FOXP1: variants seen among roughly 807,000 people sequenced by gnomAD.
FOXP1 encodes the protein forkhead box protein P1.
FOXP1 carries 15 observed loss-of-function variants against 98.2 expected under a neutral mutation model. That is an observed-to-expected ratio of 0.15 (90% CI 0.10 to 0.24). The LOEUF (loss-of-function observed/expected upper bound fraction) is 0.24, where lower values mean the gene tolerates loss of function less well. Among genes scored for constraint, FOXP1 ranks in the 10% least tolerant of loss-of-function variants. The pLI, the probability that FOXP1 is intolerant of heterozygous loss-of-function variation, is 1.00. For synonymous variants in FOXP1, 371 were observed against 314.5 expected (o/e 1.18, Z -1.90); for missense variants, 633 against 848.5 (o/e 0.75, Z 3.15).
At chr3:71,567,135 TC>T (rs1367450213) in intron 2 of FOXP1, among the ~76,000 whole-genome samples, 1 of 151,942 alleles carries the variant, frequency 6.6e-6, no homozygotes, top group African/African-American at 2.4e-5. Flanking sequence ...TTTTTAAACT[TC>T]CCCATTTCCA....
chr3:71,327,725 G>C, intron 4 of FOXP1, among the ~76,000 whole-genome samples: 1 of 152,090 alleles, frequency 6.6e-6, no homozygotes, highest in East Asian at 1.9e-4. Context: ...ATGACCTGCT[G>C]TAAAGGGTAG....
chr3:71,487,180 T>G (rs1399601773), intron 3 of FOXP1, among the ~76,000 whole-genome samples: 3 of 151,920 alleles, frequency 2.0e-5, no homozygotes, highest in Admixed American at 1.3e-4. Context: ...ACTACAAAAC[T>G]ATAATATTTC....
chr3:71,047,780 C>G (rs1271419214), intron 9 of FOXP1, among the ~76,000 whole-genome samples: 2 of 152,198 alleles, frequency 1.3e-5, no homozygotes, highest in African/African-American at 4.8e-5. Context: ...CTCAGAAACT[C>G]CCAGGTCTGG....
intron 7 of FOXP1, among the ~76,000 whole-genome samples, chr3:71,088,666 A>G (rs1364574186): frequency 2.0e-5 from 3 of 152,218 alleles, no homozygotes; most frequent in Non-Finnish European, 4.4e-5. Context: ...AATGATGTCA[A>G]AGACTTCTGA....
chr3:71,258,077 G>A (rs2068787467), intron 5 of FOXP1, among the ~76,000 whole-genome samples: 1 of 152,070 alleles, frequency 6.6e-6, no homozygotes, highest in Non-Finnish European at 1.5e-5. Flanking sequence ...GTATGCTCTG[G>A]GCACACAAAA....
intron 6 of FOXP1, among the ~76,000 whole-genome samples, chr3:71,132,945 C>T (rs1248383842): frequency 6.7e-6 from 1 of 148,328 alleles, no homozygotes; most frequent in African/African-American, 2.5e-5. Context: ...TGTACTAGTT[C>T]AATCTGTGAA....
At chr3:71,187,374 T>C (rs531560983) in intron 6 of FOXP1, among the ~76,000 whole-genome samples, 1 of 152,234 alleles carries the variant, frequency 6.6e-6, no homozygotes, top group Admixed American at 6.5e-5. Flanking sequence ...TCACCTGAGG[T>C]CAGGAGTTTG....
chr3:71,483,002 A>AT (rs897095333), intron 3 of FOXP1, among the ~76,000 whole-genome samples: 1 of 151,228 alleles, frequency 6.6e-6, no homozygotes, highest in Non-Finnish European at 1.5e-5. Context: ...CATCCGGCTA[A>AT]TTTTTTTTCT....
At chr3:71,171,376 G>A (rs144383021) in intron 6 of FOXP1, among the ~76,000 whole-genome samples, 7 of 152,202 alleles carry the variant, frequency 4.6e-5, no homozygotes, top group South Asian at 2.1e-4. Context: ...ATCATTGTTC[G>A]CGCTGCACAT....
chr3:71,577,492 C>G (rs549940516), intron 2 of FOXP1, among the ~76,000 whole-genome samples: 1 of 151,970 alleles, frequency 6.6e-6, no homozygotes, highest in Admixed American at 6.5e-5. Flanking sequence ...CCAAATTTCG[C>G]CAGGTTTGCC....
chr3:71,208,536 T>TTGTGTGTGTG (rs1553780525), intron 5 of FOXP1, among the ~76,000 whole-genome samples: 1,514 of 149,428 alleles, frequency 0.01, 9 homozygotes, highest in Middle Eastern at 0.021. Context: ...GCATTTAAGT[T>TTGTGTGTGTG]TGTGTGTGTG....
chr3:71,145,846 T>A (rs1302001798), intron 6 of FOXP1, among the ~76,000 whole-genome samples: 2 of 152,228 alleles, frequency 1.3e-5, no homozygotes, highest in African/African-American at 4.8e-5. Context: ...GTATGTTTGT[T>A]TTGTATTATA....
intron 3 of FOXP1, among the ~76,000 whole-genome samples, chr3:71,445,786 C>G (rs2086359622): frequency 6.6e-6 from 1 of 151,024 alleles, no homozygotes; most frequent in Admixed American, 6.6e-5. Flanking sequence ...CTCCTGGGTT[C>G]AAGTGATTCT....
intron 3 of FOXP1, among the ~76,000 whole-genome samples, chr3:71,475,677 T>A (rs147558120): frequency 6.6e-6 from 1 of 152,000 alleles, no homozygotes; most frequent in African/African-American, 2.4e-5. Flanking sequence ...ACTCCATCTC[T>A]ACTAATAATA....
rs146026433 is a variant in FOXP1, at chr3:71,298,451, C to T, written c.-12+1369G>A. On this transcript the variant is annotated intron_variant, in intron 5 of 20. Coordinates refer to ENST00000649528, the MANE Select transcript of FOXP1 (RefSeq NM_001349338.3). Reference sequence around the variant, plus strand: ...CTGCACTCCAGCCTGGGCAACAGAGCGAAACTCCGTCTCAAAAAGAAAAAA... The same window carrying T: ...CTGCACTCCAGCCTGGGCAACAGAGTGAAACTCCGTCTCAAAAAGAAAAAA... Among the ~76,000 whole-genome samples the T allele has an allele frequency of 9.9e-3, 1,502 of 151,044 alleles. 31 individuals are homozygous for T. Among genetic ancestry groups the T allele is most frequent in the African/African-American group, 0.034 (1,405 of 41,058 alleles).
intron 7 of FOXP1, among the ~76,000 whole-genome samples, chr3:71,074,879 G>C (rs1309097581): frequency 2.0e-5 from 3 of 152,156 alleles, no homozygotes; most frequent in Non-Finnish European, 4.4e-5. Context: ...CATTCTTTTT[G>C]AGTTACTTCT....
chr3:71,074,591 C>T (rs1302065219), intron 7 of FOXP1, among the ~76,000 whole-genome samples: 1 of 152,060 alleles, frequency 6.6e-6, no homozygotes, highest in African/African-American at 2.4e-5. Flanking sequence ...TGAATGACTC[C>T]AAAACAAGGC....
intron 3 of FOXP1, among the ~76,000 whole-genome samples, chr3:71,460,264 C>T (rs2108534474): frequency 6.7e-6 from 1 of 148,304 alleles, no homozygotes. Context: ...TTTTTTGTGA[C>T]AGTCTCACTC....
At chr3:71,230,389 A>G (rs1193913677) in intron 5 of FOXP1, among the ~76,000 whole-genome samples, 2 of 152,212 alleles carry the variant, frequency 1.3e-5, no homozygotes, top group African/African-American at 4.8e-5. Context: ...TGGGCAGACA[A>G]AACTGCCCTC....
Sources: gnomAD v4.1 joint callset for allele counts (sites outside exome capture counted in the v4.1 genomes callset) on GRCh38, gnomAD v4.1.1 for gene constraint, MANE v1.5 for transcripts, NCBI Gene and HGNC (gene_info 2026-07-23, HGNC 2026-07-21) for gene names.